Variants in GRB14 observed in about 807,000 individuals in gnomAD.
GRB14 encodes growth factor receptor bound protein 14.
In GRB14, 38 loss-of-function variants were observed where a neutral mutation model predicts 69.1. That is an observed-to-expected ratio of 0.55 (90% CI 0.42 to 0.72). The LOEUF (loss-of-function observed/expected upper bound fraction) is 0.72. Among genes scored for constraint, GRB14 ranks in the 30% least tolerant of loss-of-function variants. The pLI, the probability that GRB14 is intolerant of heterozygous loss-of-function variation, is 0.00. For synonymous variants in GRB14, 247 were observed against 241.3 expected (o/e 1.02, Z -0.22); for missense variants, 666 against 666.1 (o/e 1.00, Z 0.00).
chr2:164,614,411 C>A (rs898164325), intron 2 of GRB14, among the ~76,000 whole-genome samples: 2 of 152,026 alleles, frequency 1.3e-5, no homozygotes, highest in African/African-American at 4.8e-5. Context: ...GAAAGCTAAG[C>A]AGTTTGTAAT....
intron 2 of GRB14, among the ~76,000 whole-genome samples, chr2:164,615,437 C>T (rs1690266905): frequency 6.6e-6 from 1 of 152,126 alleles, no homozygotes. Flanking sequence ...CTCCCCTGTT[C>T]TTCTTGTGTT....
chr2:164,588,571 T>C (rs925662219), intron 2 of GRB14, among the ~76,000 whole-genome samples: 4 of 152,186 alleles, frequency 2.6e-5, no homozygotes, highest in Non-Finnish European at 5.9e-5. Context: ...AGTTCAAATA[T>C]TTATGATGTG....
chr2:164,541,884 T>C (rs1688248558), intron 3 of GRB14, among the ~76,000 whole-genome samples: 1 of 152,106 alleles, frequency 6.6e-6, no homozygotes, highest in African/African-American at 2.4e-5. Context: ...TAGCCCCCAG[T>C]GTCTATTGTT....
At chr2:164,587,251 A>C (rs1337270478) in intron 2 of GRB14, among the ~76,000 whole-genome samples, 1 of 152,174 alleles carries the variant, frequency 6.6e-6, no homozygotes, top group Non-Finnish European at 1.5e-5. Flanking sequence ...CAATGTCTTC[A>C]AAGTTGACTT....
intron 2 of GRB14, among the ~76,000 whole-genome samples, chr2:164,593,660 G>A (rs1039398356): frequency 2.6e-5 from 4 of 152,228 alleles, no homozygotes; most frequent in Admixed American, 1.3e-4. Context: ...GGAATTCCCA[G>A]AACAAAGGCA....
chr2:164,568,344 C>T, intron 2 of GRB14: 2 of 1,288,764 alleles, frequency 1.6e-6, no homozygotes, highest in African/African-American at 1.5e-5. Flanking sequence ...GGCGTTATTG[C>T]AGGCAGAGTG....
At chr2:164,589,736 G>A (rs918024178) in intron 2 of GRB14, among the ~76,000 whole-genome samples, 2 of 152,110 alleles carry the variant, frequency 1.3e-5, no homozygotes, top group African/African-American at 4.8e-5. Context: ...GTTTGGAGGG[G>A]TCAAAGATCC....
At chr2:164,561,381 AT>A (rs1250847571) in intron 2 of GRB14, among the ~76,000 whole-genome samples, 3 of 152,210 alleles carry the variant, frequency 2.0e-5, no homozygotes, top group Non-Finnish European at 2.9e-5. Context: ...GCATTTCTGA[AT>A]AAGTCCCAAG....
At chr2:164,598,009 C>A (rs1007257585) in intron 2 of GRB14, among the ~76,000 whole-genome samples, 1 of 151,924 alleles carries the variant, frequency 6.6e-6, no homozygotes, top group Admixed American at 6.6e-5. Context: ...CTGAACCATG[C>A]TGTTTCTTCA....
At chr2:164,554,353 A>G (rs1478305256) in intron 2 of GRB14, among the ~76,000 whole-genome samples, 1 of 152,170 alleles carries the variant, frequency 6.6e-6, no homozygotes, top group Non-Finnish European at 1.5e-5. Flanking sequence ...TGAGGAGTAT[A>G]TTATTCATAT....
chr2:164,539,919 AG>A (rs1395494420), intron 3 of GRB14: 3 of 152,202 alleles, frequency 2.0e-5, no homozygotes, highest in Non-Finnish European at 2.9e-5. Flanking sequence ...GCAAAATAAA[AG>A]GTCAAATCTT....
intron 6 of GRB14, among the ~76,000 whole-genome samples, chr2:164,513,243 T>C (rs1687385940): frequency 6.6e-6 from 1 of 152,208 alleles, no homozygotes. Flanking sequence ...ACTCTTTTGG[T>C]AATTTCACTC....
intron 6 of GRB14, among the ~76,000 whole-genome samples, chr2:164,509,754 C>T (rs1027506543): frequency 1.4e-5 from 2 of 144,114 alleles, no homozygotes; most frequent in African/African-American, 5.2e-5. Flanking sequence ...TAACAAGATC[C>T]CAGGTGATTC....
chr2:164,588,867 A>C (rs1204847646), intron 2 of GRB14, among the ~76,000 whole-genome samples: 1 of 152,220 alleles, frequency 6.6e-6, no homozygotes, highest in Non-Finnish European at 1.5e-5. Context: ...CAATAGTTTT[A>C]AATACTCAGC....
At chr2:164,598,529 T>C (rs886774337) in intron 2 of GRB14, among the ~76,000 whole-genome samples, 5 of 152,192 alleles carry the variant, frequency 3.3e-5, no homozygotes, top group African/African-American at 7.2e-5. Flanking sequence ...ATCGTTTACA[T>C]AGGACAAAAT....
At chr2:164,524,204 G>A (rs1687708757) in intron 5 of GRB14, among the ~76,000 whole-genome samples, 1 of 151,994 alleles carries the variant, frequency 6.6e-6, no homozygotes, top group Non-Finnish European at 1.5e-5. Context: ...AAAGATCAGG[G>A]GATACTGAGT....
At chr2:164,583,374 G>C (rs888847937) in intron 2 of GRB14, among the ~76,000 whole-genome samples, 14 of 152,190 alleles carry the variant, frequency 9.2e-5, no homozygotes, top group African/African-American at 2.7e-4. Context: ...AAGAAGTTAG[G>C]GGGGAGGTAG....
At chr2:164,572,568 C>T (rs560035528) in intron 2 of GRB14, among the ~76,000 whole-genome samples, 70 of 152,360 alleles carry the variant, frequency 4.6e-4, no homozygotes, top group African/African-American at 1.7e-3. Flanking sequence ...TTTATTCTAA[C>T]AGCCCTGCAA....
chr2:164,611,497 G>C (rs973408003), intron 2 of GRB14, among the ~76,000 whole-genome samples: 4 of 151,608 alleles, frequency 2.6e-5, no homozygotes, highest in African/African-American at 2.4e-5. Flanking sequence ...GGTGGAGAAA[G>C]ATAAATTTAG....
Sources: gnomAD v4.1 joint callset for allele counts (sites outside exome capture counted in the v4.1 genomes callset) on GRCh38, gnomAD v4.1.1 for gene constraint, MANE v1.5 for transcripts, NCBI Gene and HGNC (gene_info 2026-07-23, HGNC 2026-07-21) for gene names.